Variants in SCUBE3 observed in about 807,000 individuals in gnomAD.
SCUBE3 encodes signal peptide, CUB and EGF-like domain-containing protein 3.
A neutral mutation model predicts 116.8 loss-of-function variants in SCUBE3; 33 were observed. The ratio of observed to expected loss-of-function variants is 0.28; its 90% CI spans 0.21 to 0.38. The LOEUF (loss-of-function observed/expected upper bound fraction) is 0.38. Ranked by LOEUF, SCUBE3 falls within the 10% of genes least tolerant of loss-of-function variation. The pLI is 1.00. For synonymous variants in SCUBE3, 418 were observed against 496.9 expected (o/e 0.84, Z 2.11); for missense variants, 1,007 against 1,324.8 (o/e 0.76, Z 3.72).
chr6:35,218,102 G>T, intron 1 of SCUBE3: 1 of 983,976 alleles, frequency 1.0e-6, no homozygotes, highest in Non-Finnish European at 1.2e-6. Flanking sequence ...GCCCTCAAAT[G>T]AGATTGTTTT....
rs1214873337 is a variant in SCUBE3 at position 35,235,666 on chromosome 6, T to C, written c.713-2236T>C. On this transcript the variant is annotated intron_variant, in intron 6 of 21. Coordinates refer to ENST00000274938, the MANE Select transcript of SCUBE3 (RefSeq NM_152753.4). The surrounding 1 kb of genome is among the most constrained non-coding windows in gnomAD (Gnocchi z 4.5). ...TGGGCCCATTGGGTGACAAGAAACCTGAGTCCCTAAGAGCTGGCCCGGGAG... is the reference window on the plus strand; with the variant it reads ...TGGGCCCATTGGGTGACAAGAAACCCGAGTCCCTAAGAGCTGGCCCGGGAG... Among the ~76,000 whole-genome samples, 1 of 152,146 alleles carries C rather than the reference T, an allele frequency of 6.6e-6. No homozygotes were observed. Among genetic ancestry groups the C allele is most frequent in the East Asian group, 1.9e-4 (1 of 5,182 alleles).
intron 3 of SCUBE3, among the ~76,000 whole-genome samples, chr6:35,230,051 T>C (rs1783478403): frequency 6.6e-6 from 1 of 152,110 alleles, no homozygotes; most frequent in African/African-American, 2.4e-5. Flanking sequence ...ACCCAGGCTA[T>C]AGGTTTCTAC....
chr6:35,243,221 G>C lies in SCUBE3; in HGVS notation c.1894G>C (p.Ala632Pro). The change falls in exon 15 of 22, where the codon GCT (alanine) becomes CCT (proline). Residue 632 changes from alanine to proline, a missense_variant. Around this residue, in one of 5 missense-constraint regions of SCUBE3, gnomAD observed 544 missense variants for 638.9 expected, o/e 0.85. Coordinates refer to ENST00000274938, the MANE Select transcript of SCUBE3 (RefSeq NM_152753.4). This position sits in a 1 kb window ranked among gnomAD's most constrained non-coding sequence, Gnocchi z 6.6. ...MESCRPGQHR[A>P]GTKCVSCPQG... ...GTCCTGTAGGCCCGGGCAGCACCGT[G>C]CTGGGACCAAGTGTGGTAAGGGAGC... The C allele has an allele frequency of 6.2e-7, 1 of 1,613,874 alleles. No homozygotes were observed. Among genetic ancestry groups the C allele is most frequent in the Non-Finnish European group, 8.5e-7 (1 of 1,179,966 alleles).
Position 35,235,976 on chromosome 6 carries a change from T to C in SCUBE3, c.713-1926T>C, listed in dbSNP as rs1421571065. On this transcript the variant is annotated intron_variant, in intron 6 of 21. Transcript: ENST00000274938. This position sits in a 1 kb window ranked among gnomAD's most constrained non-coding sequence, Gnocchi z 4.5. ...CACTCACCATTCTCTCCTACCGTAA[T>C]GGCTAAGAGCATGGCATGTGTGTTC... Among the ~76,000 whole-genome samples the C allele has an allele frequency of 2.0e-5, 3 of 152,224 alleles. No homozygotes were observed. The highest frequency in any genetic ancestry group is 4.8e-5 in the African/African-American group (2 of 41,454).
intron 1 of SCUBE3, among the ~76,000 whole-genome samples, chr6:35,216,409 G>T (rs572236324): frequency 3.3e-5 from 5 of 152,208 alleles, no homozygotes; most frequent in Non-Finnish European, 5.9e-5. Flanking sequence ...ACCGCAGTTA[G>T]CTTGGTATCC....
intron 3 of SCUBE3, among the ~76,000 whole-genome samples, chr6:35,230,125 T>C (rs1783482904): frequency 6.6e-6 from 1 of 152,144 alleles, no homozygotes; most frequent in East Asian, 1.9e-4. Context: ...TGGTCACCTC[T>C]CCTACCATTT....
At position 35,231,728 on chromosome 6, in the gene SCUBE3, T is replaced by C. The variant is rs552676224; in HGVS notation, c.338T>C (p.Val113Ala). The change falls in exon 4 of 22, where the codon GTG becomes GCG. Residue 113 changes from valine (V) to alanine (A), a missense_variant. Physicochemically the swap from Val to Ala is moderately conservative, Grantham distance 64. Transcript: ENST00000274938. This position sits in a 1 kb window ranked among gnomAD's most constrained non-coding sequence, Gnocchi z 4.2. ...LAHDGHNCLDVDECAEGNGGC... is the reference protein window; with the variant it reads ...LAHDGHNCLDADECAEGNGGC... ...ACTGACTACCTATCCTGCACAGATG[T>C]GGACGAGTGTGCCGAGGGCAACGGC... 1 of 1,610,794 alleles carries C rather than the reference T, an allele frequency of 6.2e-7. No individual in the cohort carries two copies. The highest frequency in any genetic ancestry group is 1.3e-5 in the African/African-American group (1 of 74,976).
In SCUBE3 at chr6:35,241,630, C is replaced by A; in HGVS notation, c.1283C>A (p.Thr428Asn). ...RSGKKDTCAL[T>N]CPSRARFLPE... ...GGCAAGAAGGACACCTGTGCCCTGACCTGTCCCTCCAGGGCCCGATTTTTG... is the reference window on the plus strand; with the variant it reads ...GGCAAGAAGGACACCTGTGCCCTGAACTGTCCCTCCAGGGCCCGATTTTTG... Residue 428 changes from threonine to asparagine, a missense_variant, in exon 11 of 22, where the codon ACC becomes AAC. By Grantham distance (65) the Thr-to-Asn change is moderately conservative. This residue lies in a region of SCUBE3 where 544 missense variants were observed against 638.9 expected (regional missense o/e 0.85). Coordinates refer to ENST00000274938, the MANE Select transcript of SCUBE3 (RefSeq NM_152753.4). The surrounding 1 kb of genome is among the most constrained non-coding windows in gnomAD (Gnocchi z 4.1). 6.2e-7 allele frequency: 1 copy of A among 1,613,688 alleles called. No homozygotes were observed. Among genetic ancestry groups the A allele is most frequent in the Non-Finnish European group, 8.5e-7 (1 of 1,179,544 alleles).
At chr6:35,234,527 T>C (rs998716337) in intron 6 of SCUBE3, among the ~76,000 whole-genome samples, 1 of 152,222 alleles carries the variant, frequency 6.6e-6, no homozygotes, top group South Asian at 2.1e-4. Context: ...TCCCTCTGAA[T>C]TAACTCTTCA....
chr6:35,227,078 TG>T (rs1783358728), intron 1 of SCUBE3, among the ~76,000 whole-genome samples: 1 of 152,186 alleles, frequency 6.6e-6, no homozygotes, highest in South Asian at 2.1e-4. Flanking sequence ...GAAGCAGGCC[TG>T]GTCTCAAGCA....
chr6:35,242,276 G>A lies in SCUBE3; in HGVS notation c.1490G>A (p.Arg497Gln), dbSNP rs779085281. ...GATGCCAAATGCCGTTTGCACCTGC[G>A]AAACAAAGGCAAAACAGAGGAGGCT... ...IKDAKCRLHL[R>Q]NKGKTEEAGR... The change falls in exon 13 of 22, where the codon CGA becomes CAA. Residue 497 changes from arginine to glutamine, a missense_variant. Physicochemically the swap from Arg to Gln is conservative, Grantham distance 43 (BLOSUM62 1). Around this residue, in one of 5 missense-constraint regions of SCUBE3, gnomAD observed 544 missense variants for 638.9 expected, o/e 0.85. Transcript: ENST00000274938. 8.7e-6 allele frequency: 14 copies of A among 1,613,848 alleles called. No homozygotes were observed. The highest frequency in any genetic ancestry group is 3.3e-5 in the South Asian group (3 of 91,058).
chr6:35,214,379 G>T lies in SCUBE3; in HGVS notation c.-40G>T. 1 of 1,354,778 alleles carries T rather than the reference G, an allele frequency of 7.4e-7. No individual in the cohort carries two copies. Among genetic ancestry groups the T allele is most frequent in the African/African-American group, 1.5e-5 (1 of 66,462 alleles). 83.9% of individuals were successfully genotyped at this position (1,354,778 alleles called of 1,614,324 possible). Reference sequence around the variant, plus strand: ...CCGGCTTCCGCCCTCCCCTGGCCGCGAGACCGGCCCCGGCGGCTGGGCCGC... The same window carrying T: ...CCGGCTTCCGCCCTCCCCTGGCCGCTAGACCGGCCCCGGCGGCTGGGCCGC... On this transcript the variant is annotated 5_prime_UTR_variant, in exon 1 of 22. Coordinates refer to ENST00000274938, the MANE Select transcript of SCUBE3 (RefSeq NM_152753.4). The surrounding 1 kb of genome is among the most constrained non-coding windows in gnomAD (Gnocchi z 6.3).
In SCUBE3 at chr6:35,246,300, A is replaced by C. The variant is rs761909881; in HGVS notation, c.2832+15A>C. The C allele has an allele frequency of 6.4e-7, 1 of 1,557,342 alleles. No homozygotes were observed. The highest frequency in any genetic ancestry group is 8.9e-7 in the Non-Finnish European group (1 of 1,128,122). On this transcript the variant is annotated intron_variant, in intron 21 of 21. Coordinates refer to ENST00000274938, the MANE Select transcript of SCUBE3 (RefSeq NM_152753.4). Reference sequence around the variant, plus strand: ...AGATTTTAAAGGTGAATGAATATTAACAATAATGATAGCTAACATTTAATA... The same window carrying C: ...AGATTTTAAAGGTGAATGAATATTACCAATAATGATAGCTAACATTTAATA...
In SCUBE3 at chr6:35,241,851, G is replaced by C. The variant is rs1379002354; in HGVS notation, c.1358G>C (p.Arg453Thr). 12 of 1,612,928 alleles carry C rather than the reference G, an allele frequency of 7.4e-6. No individual in the cohort carries two copies. Among genetic ancestry groups the C allele is most frequent in the Non-Finnish European group, 1.0e-5 (12 of 1,180,002 alleles). Residue 453 changes from arginine (R) to threonine (T), a missense_variant, in exon 12 of 22, where the codon AGG becomes ACG. Arg to Thr is a moderately conservative substitution (Grantham distance 71). This residue lies in a region of SCUBE3 where 544 missense variants were observed against 638.9 expected (regional missense o/e 0.85). Transcript: ENST00000274938. The surrounding 1 kb of genome is among the most constrained non-coding windows in gnomAD (Gnocchi z 4.1). The part of the protein sequence containing the change: ...FTVSCGTPSP[R>T]AAPARAGHNG... The stretch of plus-strand genomic sequence containing the variant: ...GTGAGCTGTGGGACCCCCAGCCCCA[G>C]GGCTGCTCCAGCCCGAGCTGGCCAC...
rs1280467664 is a variant in SCUBE3 at position 35,244,592 on chromosome 6, G to T, written c.2240-58G>T. ...GATGAATGTATCCTGTCCATCCCAT[G>T]CCCCGTAACTCCCACCTGCCTACCA... On this transcript the variant is annotated intron_variant, in intron 17 of 21. Coordinates refer to ENST00000274938, the MANE Select transcript of SCUBE3 (RefSeq NM_152753.4). The surrounding 1 kb of genome is among the most constrained non-coding windows in gnomAD (Gnocchi z 4.3). 1.4e-6 allele frequency: 2 copies of T among 1,394,874 alleles called. No homozygotes were observed. Among genetic ancestry groups the T allele is most frequent in the Non-Finnish European group, 2.0e-6 (2 of 985,470 alleles). 86.4% of individuals were successfully genotyped at this position (1,394,874 alleles called of 1,614,324 possible). A position where few individuals can be genotyped will look rare whatever the true frequency, so the allele number is the denominator to read the frequency against.
chr6:35,233,059 G>A lies in SCUBE3; in HGVS notation c.595+84G>A. The A allele has an allele frequency of 6.4e-7, 1 of 1,560,560 alleles. No homozygotes were observed. The highest frequency in any genetic ancestry group is 8.8e-7 in the Non-Finnish European group (1 of 1,137,204). ...GGGTATAGGGCTTCAGGAGCAAGAG[G>A]ACAGGGCTGGGAGGAAAAGGGAGTA... is the stretch of plus-strand genomic sequence containing the variant. On this transcript the variant is annotated intron_variant, in intron 5 of 21. Coordinates refer to ENST00000274938, the MANE Select transcript of SCUBE3 (RefSeq NM_152753.4). This position sits in a 1 kb window ranked among gnomAD's most constrained non-coding sequence, Gnocchi z 5.7.
intron 1 of SCUBE3, chr6:35,221,523 A>G (rs1436788327): frequency 6.6e-6 from 1 of 152,228 alleles, no homozygotes; most frequent in Non-Finnish European, 1.5e-5. Flanking sequence ...CCATGTCTCC[A>G]TCCACTCGTC....
intron 21 of SCUBE3, among the ~76,000 whole-genome samples, chr6:35,246,840 G>A (rs1784361558): frequency 6.6e-6 from 1 of 151,992 alleles, no homozygotes; most frequent in Non-Finnish European, 1.5e-5. Flanking sequence ...TTATCCGGGT[G>A]CGGTGGCAGG....
At position 35,249,753 on chromosome 6, in the gene SCUBE3, C is replaced by G. The variant is rs1784487876; in HGVS notation, c.*1048C>G. On this transcript the variant is annotated 3_prime_UTR_variant, in exon 22 of 22. Transcript: ENST00000274938. ...GCCCCAGCTGGCTTGTGGGCTTCAC[C>G]AAAGAGGACCCCACTCTGAAGCCAG... 6.6e-6 allele frequency: 1 copy of G among 152,608 alleles called. No homozygotes were observed. The highest frequency in any genetic ancestry group is 2.4e-5 in the African/African-American group (1 of 41,422). The allele number at this position is 152,608 out of a possible 1,614,324, so 9.5% of individuals were successfully genotyped here. A position where few individuals can be genotyped will look rare whatever the true frequency, so the allele number is the denominator to read the frequency against.
Sources: allele counts gnomAD v4.1 joint callset (sites outside exome capture counted in the v4.1 genomes callset), GRCh38; gene constraint gnomAD v4.1.1; regional missense constraint gnomAD v4.1.1; non-coding constraint Gnocchi (gnomAD v3.1); transcripts MANE v1.5; gene names NCBI Gene and HGNC (gene_info 2026-07-23, HGNC 2026-07-21).